Variants in COBL observed in about 807,000 individuals in gnomAD.
COBL encodes cordon-bleu WH2 repeat protein, also known as protein cordon-bleu.
In COBL, 51 loss-of-function variants were observed where a neutral mutation model predicts 98.8. The observed-to-expected ratio is 0.52, with a 90% CI of 0.41 to 0.65. COBL has a LOEUF of 0.65. Ranked by LOEUF, COBL falls within the 30% of genes least tolerant of loss-of-function variation. The pLI, the probability that COBL is intolerant of heterozygous loss-of-function variation, is 0.00. For synonymous variants in COBL, 634 were observed against 651.7 expected, an observed-to-expected ratio of 0.97 and a Z score of 0.41; for missense variants, 1,617 against 1,617.5, an observed-to-expected ratio of 1.00 and a Z score of 0.01.
At chr7:51,314,195 T>G (rs1304986640) in intron 1 of COBL, among the ~76,000 whole-genome samples, 4 of 152,220 alleles carry the variant, frequency 2.6e-5, no homozygotes, top group African/African-American at 7.2e-5. Flanking sequence ...GGGTGAAATC[T>G]CGTTAATTCA....
At chr7:51,173,348 A>AT (rs1273134781) in intron 5 of COBL, among the ~76,000 whole-genome samples, 2 of 150,738 alleles carry the variant, frequency 1.3e-5, no homozygotes, top group Non-Finnish European at 3.0e-5. Flanking sequence ...ACCAGGATAA[A>AT]TTTTTTTGTA....
chr7:51,306,866 C>T (rs1057228631), intron 1 of COBL, among the ~76,000 whole-genome samples: 1 of 152,200 alleles, frequency 6.6e-6, no homozygotes, highest in African/African-American at 2.4e-5. Flanking sequence ...TGAGACACTC[C>T]AGGGCTTCAG....
At chr7:51,136,376 A>T in intron 5 of COBL, 45 bp from the exon 6 acceptor site, 1 of 1,565,498 alleles carries the variant, frequency 6.4e-7, no homozygotes, top group Non-Finnish European at 8.7e-7. Context: ...GTATGAGATG[A>T]CTTCTCCCCG....
intron 1 of COBL, among the ~76,000 whole-genome samples, chr7:51,244,893 A>G (rs1323473182): frequency 6.6e-6 from 1 of 152,186 alleles, no homozygotes; most frequent in Non-Finnish European, 1.5e-5. Flanking sequence ...GCAGTTCCAG[A>G]AAAGGGCTAA....
intron 5 of COBL, chr7:51,172,532 T>C: frequency 7.8e-7 from 1 of 1,286,796 alleles, no homozygotes; most frequent in South Asian, 1.2e-5. Context: ...CTGCTCAGCC[T>C]GGAACACAAG....
intron 6 of COBL, among the ~76,000 whole-genome samples, chr7:51,104,600 G>C (rs1796088587): frequency 6.6e-6 from 1 of 152,180 alleles, no homozygotes; most frequent in Non-Finnish European, 1.5e-5. Flanking sequence ...TGCCCTCACT[G>C]GTGGGCAGGT....
At position 51,030,859 on chromosome 7, in the gene COBL, G is replaced by C. The variant is rs1588269788; in HGVS notation, c.1457C>G (p.Ala486Gly). 7 of 1,597,694 alleles carry C rather than the reference G, an allele frequency of 4.4e-6. No homozygotes were observed. The change falls in exon 9 of 13, where the codon GCT becomes GGT. Residue 486 changes from alanine to glycine, a missense_variant. Transcript: ENST00000265136. ...ASNDEEDLLIAGEFRKTLAEL... is the reference protein window; with the variant it reads ...ASNDEEDLLIGGEFRKTLAEL... ...TGCAAGGGTTTTACGGAACTCTCCA[G>C]CAATTAATAGGTCTTCTTCATCATT...
chr7:51,288,293 G>A (rs1337072635), intron 1 of COBL, among the ~76,000 whole-genome samples: 1 of 151,312 alleles, frequency 6.6e-6, no homozygotes, highest in Non-Finnish European at 1.5e-5. Context: ...AATTAGCCAG[G>A]CATGGTGGCA....
In COBL at chr7:51,105,362, C is replaced by T. The variant is rs528320000; in HGVS notation, c.958-20058G>A. ...GCCCTGCTACCCACCACCTGCTGCG[C>T]GAACTTGCTCAAATACCAAACCTCT... On this transcript the variant is annotated intron_variant, in intron 6 of 12. Transcript: ENST00000265136. Among the ~76,000 whole-genome samples the T allele has an allele frequency of 7.9e-5, 12 of 152,284 alleles. No homozygotes were observed. In the South Asian group the frequency reaches 8.3e-4, roughly 11 times the overall value.
intron 2 of COBL, among the ~76,000 whole-genome samples, chr7:51,213,216 G>T (rs1354967156): frequency 6.6e-6 from 1 of 152,080 alleles, no homozygotes; most frequent in African/African-American, 2.4e-5. Context: ...CTACAGCAGC[G>T]GTCCCCAACC....
intron 4 of COBL, among the ~76,000 whole-genome samples, chr7:51,187,309 A>ATTATAT: frequency 1.1e-5 from 1 of 90,164 alleles, no homozygotes; most frequent in Non-Finnish European, 2.2e-5. Context: ...TATATGTTTA[A>ATTATAT]GTATATATAT....
Position 51,017,356 on chromosome 7 carries a change from T to C in COBL, c.*195A>G, listed in dbSNP as rs917149296. ...AAACACATTTCCTTGGCACACGAGC[T>C]GCGCAGCGACACAGCATCTTCTCCT... On this transcript the variant is annotated 3_prime_UTR_variant, in exon 13 of 13. Coordinates refer to ENST00000265136, the MANE Select transcript of COBL (RefSeq NM_015198.5). 1.6e-6 allele frequency: 1 copy of C among 619,938 alleles called. No homozygotes were observed. Among genetic ancestry groups the C allele is most frequent in the African/African-American group, 1.8e-5 (1 of 54,570 alleles). The allele number at this position is 619,938 out of a possible 1,614,324, so 38.4% of individuals were successfully genotyped here.
At chr7:51,178,600 T>C (rs1788639159) in intron 5 of COBL, among the ~76,000 whole-genome samples, 1 of 152,122 alleles carries the variant, frequency 6.6e-6, no homozygotes, top group Non-Finnish European at 1.5e-5. Flanking sequence ...ACCGTGTCTT[T>C]ATTAGGTCTG....
At chr7:51,203,461 C>CAAAA (rs1165738166) in intron 2 of COBL, among the ~76,000 whole-genome samples, 3 of 12,058 alleles carry the variant, frequency 2.5e-4, no homozygotes, top group East Asian at 2.3e-3. Context: ...GACTCCGTCT[C>CAAAA]AAAAAAAAAA....
At chr7:51,182,064 TA>T (rs1293809734) in intron 5 of COBL, among the ~76,000 whole-genome samples, 2 of 152,144 alleles carry the variant, frequency 1.3e-5, no homozygotes, top group Non-Finnish European at 2.9e-5. Context: ...TTTCATCTTT[TA>T]CAAGGAAGAA....
At chr7:51,272,385 G>A (rs1798841608) in intron 1 of COBL, among the ~76,000 whole-genome samples, 1 of 152,144 alleles carries the variant, frequency 6.6e-6, no homozygotes, top group Non-Finnish European at 1.5e-5. Context: ...ATCCCAGGCA[G>A]TCCGATTCCA....
chr7:51,289,989 G>A (rs796349918), intron 1 of COBL, among the ~76,000 whole-genome samples: 16 of 152,102 alleles, frequency 1.1e-4, no homozygotes, highest in Non-Finnish European at 1.8e-4. Flanking sequence ...AGCCCTATAC[G>A]AGGGCCTTGG....
intron 1 of COBL, among the ~76,000 whole-genome samples, chr7:51,314,517 C>T (rs927048979): frequency 6.6e-6 from 1 of 152,186 alleles, no homozygotes; most frequent in African/African-American, 2.4e-5. Context: ...AGCAAGCATA[C>T]ACCTAAATTA....
At chr7:51,230,665 G>A (rs189652589) in intron 1 of COBL, among the ~76,000 whole-genome samples, 17 of 152,296 alleles carry the variant, frequency 1.1e-4, no homozygotes, top group African/African-American at 3.6e-4. Context: ...CCTCAAGGAC[G>A]GCTCCATCTG....
Sources: allele counts gnomAD v4.1 joint callset (sites outside exome capture counted in the v4.1 genomes callset), GRCh38; gene constraint gnomAD v4.1.1; transcripts MANE v1.5; gene names NCBI Gene and HGNC (gene_info 2026-07-23, HGNC 2026-07-21).